CRYL1: variants seen among roughly 807,000 people sequenced by gnomAD.
CRYL1 encodes the protein lambda-crystallin homolog.
In CRYL1, 29 loss-of-function variants were observed where a neutral mutation model predicts 36.6. That is an observed-to-expected ratio of 0.79 (90% CI 0.59 to 1.08). CRYL1 has a LOEUF of 1.08. CRYL1 is among the 50% of genes least tolerant of loss of function. The pLI, the probability that CRYL1 is intolerant of heterozygous loss-of-function variation, is 0.00. For synonymous variants in CRYL1, 152 were observed against 151.5 expected (o/e 1.00, Z -0.02); for missense variants, 411 against 407.9 (o/e 1.01, Z -0.06).
chr13:20,516,549 G>C (rs984463148), intron 1 of CRYL1, among the ~76,000 whole-genome samples: 1 of 151,590 alleles, frequency 6.6e-6, no homozygotes, highest in Non-Finnish European at 1.5e-5. Flanking sequence ...GGGGTATCTC[G>C]GCTCACTGCA....
intron 3 of CRYL1, among the ~76,000 whole-genome samples, chr13:20,450,899 A>C (rs1473896539): frequency 6.6e-6 from 1 of 152,142 alleles, no homozygotes; most frequent in Non-Finnish European, 1.5e-5. Context: ...GGATGAGTTC[A>C]TGTCCTTTGT....
intron 3 of CRYL1, among the ~76,000 whole-genome samples, chr13:20,456,162 T>C (rs1420389921): frequency 2.0e-5 from 3 of 152,086 alleles, no homozygotes; most frequent in Non-Finnish European, 2.9e-5. Flanking sequence ...GGCCTTGGGT[T>C]AGGCAAAAAA....
intron 3 of CRYL1, among the ~76,000 whole-genome samples, chr13:20,458,897 T>TA (rs976311193): frequency 1.3e-5 from 2 of 152,182 alleles, no homozygotes; most frequent in African/African-American, 4.8e-5. Flanking sequence ...TGTGCCCTTT[T>TA]AAAAAACATT....
chr13:20,418,896 AAG>A (rs1444883275), intron 5 of CRYL1: 3 of 152,230 alleles, frequency 2.0e-5, no homozygotes, highest in Non-Finnish European at 2.9e-5. Context: ...GAGAAAAATT[AAG>A]AGTCAGGAGT....
intron 6 of CRYL1, among the ~76,000 whole-genome samples, chr13:20,407,256 G>A (rs1272670917): frequency 6.6e-6 from 1 of 151,768 alleles, no homozygotes; most frequent in Non-Finnish European, 1.5e-5. Flanking sequence ...TGTCTGTGAT[G>A]AAGTTTAGGC....
At chr13:20,408,532 C>G (rs1274688203) in intron 6 of CRYL1, among the ~76,000 whole-genome samples, 1 of 152,194 alleles carries the variant, frequency 6.6e-6, no homozygotes, top group Non-Finnish European at 1.5e-5. Context: ...TAAAGCTTAG[C>G]AAAGAAACAA....
rs1323022154 is a variant in CRYL1 at position 20,507,916 on chromosome 13, T to C, written c.149+4527A>G. Among the ~76,000 whole-genome samples, 3 of 141,406 alleles carry C rather than the reference T, an allele frequency of 2.1e-5. No individual in the cohort carries two copies. In the Admixed American group the frequency reaches 2.2e-4, roughly 10 times the overall value. The allele number at this position is 141,406 out of a possible 152,430, so 92.8% of individuals were successfully genotyped here. Reference sequence around the variant, plus strand: ...CTGGGCAACAGAGCAAGACTTTTCATCTCAAAAAAAAAAAGAAAAAAGAAA... The same window carrying C: ...CTGGGCAACAGAGCAAGACTTTTCACCTCAAAAAAAAAAAGAAAAAAGAAA... On this transcript the variant is annotated intron_variant, in intron 2 of 7. Transcript: ENST00000298248.
At chr13:20,504,661 G>A (rs763003219) in intron 2 of CRYL1, among the ~76,000 whole-genome samples, 2 of 152,076 alleles carry the variant, frequency 1.3e-5, no homozygotes, top group Non-Finnish European at 2.9e-5. Flanking sequence ...GGCATACAAT[G>A]GTGAACAAAG....
At chr13:20,464,721 C>G (rs2137436507) in intron 3 of CRYL1, among the ~76,000 whole-genome samples, 1 of 152,262 alleles carries the variant, frequency 6.6e-6, no homozygotes, top group East Asian at 1.9e-4. Context: ...TTTTATTGCT[C>G]TCAATGTCTT....
At chr13:20,519,770 T>C (rs1034314039) in intron 1 of CRYL1, among the ~76,000 whole-genome samples, 28 of 152,204 alleles carry the variant, frequency 1.8e-4, no homozygotes, top group African/African-American at 6.8e-4. Flanking sequence ...AGAATCTTAT[T>C]GACTAAATAT....
chr13:20,445,237 T>G (rs993644599), intron 3 of CRYL1, among the ~76,000 whole-genome samples: 1 of 152,164 alleles, frequency 6.6e-6, no homozygotes, highest in African/African-American at 2.4e-5. Flanking sequence ...TTGGCACCAC[T>G]TTTACCTATG....
chr13:20,434,555 A>C (rs1174013692), intron 4 of CRYL1, among the ~76,000 whole-genome samples: 2 of 150,976 alleles, frequency 1.3e-5, no homozygotes, highest in Non-Finnish European at 3.0e-5. Flanking sequence ...AGGGAAAAAA[A>C]GCTGGTCACT....
intron 3 of CRYL1, among the ~76,000 whole-genome samples, chr13:20,446,812 C>G (rs1005247363): frequency 1.3e-5 from 2 of 152,020 alleles, no homozygotes; most frequent in Admixed American, 6.5e-5. Flanking sequence ...AATGACTTAC[C>G]AAGATGATTT....
At chr13:20,449,165 C>A (rs2032516660) in intron 3 of CRYL1, among the ~76,000 whole-genome samples, 1 of 152,140 alleles carries the variant, frequency 6.6e-6, no homozygotes, top group Admixed American at 6.5e-5. Flanking sequence ...GAGACTCACA[C>A]TAGAAATGAA....
At chr13:20,482,762 C>CGT (rs1194969217) in intron 3 of CRYL1, among the ~76,000 whole-genome samples, 9 of 140,658 alleles carry the variant, frequency 6.4e-5, no homozygotes, top group African/African-American at 2.0e-4. Flanking sequence ...TGTGTGCGCG[C>CGT]GTGTGTGTGC....
At chr13:20,482,487 T>C (rs2033297774) in intron 3 of CRYL1, among the ~76,000 whole-genome samples, 1 of 152,192 alleles carries the variant, frequency 6.6e-6, no homozygotes, top group Non-Finnish European at 1.5e-5. Context: ...TCCAGAACAG[T>C]AGGTTTTCTT....
intron 6 of CRYL1, among the ~76,000 whole-genome samples, chr13:20,408,606 A>T (rs2031441092): frequency 6.6e-6 from 1 of 152,086 alleles, no homozygotes; most frequent in Non-Finnish European, 1.5e-5. Context: ...CAAAAATCCT[A>T]ATCTTGTGAT....
intron 5 of CRYL1, among the ~76,000 whole-genome samples, chr13:20,422,549 A>C (rs1198191457): frequency 6.6e-6 from 1 of 152,202 alleles, no homozygotes; most frequent in Non-Finnish European, 1.5e-5. Context: ...TCGCCCAGCA[A>C]GTGTAAGCAA....
chr13:20,408,462 G>T (rs542087579), intron 6 of CRYL1, among the ~76,000 whole-genome samples: 1 of 152,312 alleles, frequency 6.6e-6, no homozygotes, highest in Non-Finnish European at 1.5e-5. Flanking sequence ...AATGCAGGAG[G>T]AACCCAAACA....
Sources: gnomAD v4.1 joint callset for allele counts (sites outside exome capture counted in the v4.1 genomes callset) on GRCh38, gnomAD v4.1.1 for gene constraint, MANE v1.5 for transcripts, NCBI Gene and HGNC (gene_info 2026-07-23, HGNC 2026-07-21) for gene names.